The following SCCPDH variants were observed in gnomAD, a reference collection of about 807,000 sequenced individuals.
SCCPDH encodes the protein saccharopine dehydrogenase (putative), also known as saccharopine dehydrogenase-like oxidoreductase.
SCCPDH carries 34 observed loss-of-function variants against 51.5 expected under a neutral mutation model. That is an observed-to-expected ratio of 0.66 (90% CI 0.50 to 0.88). The LOEUF (loss-of-function observed/expected upper bound fraction) is 0.88, where lower values mean the gene tolerates loss of function less well. Among genes scored for constraint, SCCPDH ranks in the 40% least tolerant of loss-of-function variants. The pLI, the probability that SCCPDH is intolerant of heterozygous loss-of-function variation, is 0.00. For synonymous variants in SCCPDH, 187 were observed against 191.3 expected (o/e 0.98, Z 0.19); for missense variants, 464 against 527.1 (o/e 0.88, Z 1.17).
At chr1:246,744,503 T>C (rs1668729640) in intron 5 of SCCPDH, among the ~76,000 whole-genome samples, 1 of 152,070 alleles carries the variant, frequency 6.6e-6, no homozygotes, top group Non-Finnish European at 1.5e-5. Context: ...GTATTTTTAG[T>C]AGAGACGGGG....
At chr1:246,767,168 CT>C (rs1558176521) in intron 11 of SCCPDH, 26 bp from the exon 12 acceptor site, 1 of 1,531,264 alleles carries the variant, frequency 6.5e-7, no homozygotes, top group Admixed American at 1.8e-5. Context: ...GCTGAGTGCA[CT>C]GTTTTCTCTT....
intron 2 of SCCPDH, among the ~76,000 whole-genome samples, chr1:246,731,869 C>G (rs940494255): frequency 6.6e-6 from 1 of 152,032 alleles, no homozygotes; most frequent in Non-Finnish European, 1.5e-5. Flanking sequence ...CCCCTGCCCC[C>G]CACCCCACGA....
chr1:246,761,181 A>C (rs1383288762), intron 9 of SCCPDH, among the ~76,000 whole-genome samples: 2 of 152,052 alleles, frequency 1.3e-5, no homozygotes, highest in Admixed American at 1.3e-4. Flanking sequence ...TACAAGGCTA[A>C]TCCCCCGCCT....
chr1:246,727,279 A>G (rs536258527), intron 2 of SCCPDH, among the ~76,000 whole-genome samples: 36 of 152,268 alleles, frequency 2.4e-4, no homozygotes, highest in East Asian at 1.9e-3. Flanking sequence ...CCTTTTTACT[A>G]TATACCCCTT....
intron 5 of SCCPDH, among the ~76,000 whole-genome samples, chr1:246,744,476 G>T (rs1019679334): frequency 2.0e-5 from 3 of 151,788 alleles, no homozygotes; most frequent in African/African-American, 7.3e-5. Context: ...GTACCACCAC[G>T]CCCGGCTATT....
chr1:246,731,729 TTTTA>T (rs1478510124), intron 2 of SCCPDH, among the ~76,000 whole-genome samples: 4 of 144,578 alleles, frequency 2.8e-5, no homozygotes, highest in South Asian at 2.1e-4. Context: ...TTTTTGTTAT[TTTTA>T]TTTAAGTTCT....
At chr1:246,734,217 C>T (rs901951005) in intron 2 of SCCPDH, among the ~76,000 whole-genome samples, 8 of 152,056 alleles carry the variant, frequency 5.3e-5, no homozygotes, top group South Asian at 2.1e-4. Context: ...AGAACAAGGC[C>T]GAGAAAGCTC....
chr1:246,746,143 C>T (rs151197530), intron 5 of SCCPDH, among the ~76,000 whole-genome samples: 1,551 of 146,162 alleles, frequency 0.011, 25 homozygotes, highest in African/African-American at 0.038. Flanking sequence ...GAAGGAAGGG[C>T]TTTATTTGGC....
At chr1:246,752,814 T>C (rs1668869034) in intron 5 of SCCPDH, among the ~76,000 whole-genome samples, 1 of 152,232 alleles carries the variant, frequency 6.6e-6, no homozygotes, top group South Asian at 2.1e-4. Context: ...TGTTCCTGCC[T>C]CTGGAATTAA....
chr1:246,746,032 C>T (rs147555994), intron 5 of SCCPDH, among the ~76,000 whole-genome samples: 3,474 of 144,510 alleles, frequency 0.024, 150 homozygotes, highest in African/African-American at 0.085. Context: ...GGCGTGAACC[C>T]GGGAGGCAGA....
intron 3 of SCCPDH, among the ~76,000 whole-genome samples, chr1:246,738,788 G>A (rs1381783148): frequency 2.0e-5 from 3 of 152,170 alleles, no homozygotes; most frequent in Admixed American, 6.5e-5. Flanking sequence ...GCGAGGTGGA[G>A]GTTGCAGTGA....
At chr1:246,762,572 T>C (rs7556120) in intron 9 of SCCPDH, among the ~76,000 whole-genome samples, 69,048 of 152,000 alleles carry the variant, frequency 0.45, 15,839 homozygotes, top group Admixed American at 0.5. Context: ...CCGGGCGCAG[T>C]GGCTCACACC....
chr1:246,751,010 C>T (rs765151430), intron 5 of SCCPDH, among the ~76,000 whole-genome samples: 11 of 152,232 alleles, frequency 7.2e-5, no homozygotes, highest in South Asian at 2.1e-4. Flanking sequence ...GGTCCCTTGA[C>T]GCAGCTGGAA....
chr1:246,754,208 G>A (rs774259840), intron 5 of SCCPDH, among the ~76,000 whole-genome samples: 8 of 152,118 alleles, frequency 5.3e-5, no homozygotes, highest in Middle Eastern at 3.4e-3. Context: ...CTTGGTCTGT[G>A]CACAGAGTTA....
chr1:246,737,899 C>A (rs1668621922), intron 3 of SCCPDH, among the ~76,000 whole-genome samples: 1 of 151,660 alleles, frequency 6.6e-6, no homozygotes, highest in South Asian at 2.1e-4. Context: ...GCCATAATAT[C>A]AAAACCTAAT....
At chr1:246,724,765 C>T (rs1033013622) in intron 1 of SCCPDH, among the ~76,000 whole-genome samples, 153 bp downstream of exon 1, 26 of 152,336 alleles carry the variant, frequency 1.7e-4, no homozygotes, top group African/African-American at 6.0e-4. Flanking sequence ...GTTTCAAATA[C>T]TGCCATAGCT....
At chr1:246,754,439 G>A (rs571868794) in intron 5 of SCCPDH, among the ~76,000 whole-genome samples, 2 of 152,214 alleles carry the variant, frequency 1.3e-5, no homozygotes, top group Non-Finnish European at 2.9e-5. Flanking sequence ...AAATTTGTTA[G>A]AAGTAAATTT....
At chr1:246,739,805 G>A (rs994871627) in intron 3 of SCCPDH, among the ~76,000 whole-genome samples, 1 of 152,018 alleles carries the variant, frequency 6.6e-6, no homozygotes, top group African/African-American at 2.4e-5. Flanking sequence ...CTGTCTGTAC[G>A]TGTGCGGAGC....
At chr1:246,741,620 A>G (rs1572297299) in intron 4 of SCCPDH, among the ~76,000 whole-genome samples, 1 of 152,250 alleles carries the variant, frequency 6.6e-6, no homozygotes, top group South Asian at 2.1e-4. Context: ...TTTTAGAAGA[A>G]CAATATATTG....
Sources: allele counts gnomAD v4.1 joint callset (sites outside exome capture counted in the v4.1 genomes callset), GRCh38; gene constraint gnomAD v4.1.1; transcripts MANE v1.5; gene names NCBI Gene and HGNC (gene_info 2026-07-23, HGNC 2026-07-21).